The following TAFA4 variants were observed in gnomAD, a reference collection of about 807,000 sequenced individuals.
TAFA4 encodes TAFA chemokine like family member 4.
Under a neutral mutation model 21.1 loss-of-function variants are expected in TAFA4, and 20 were observed. The observed-to-expected ratio is 0.95, with a 90% CI of 0.67 to 1.38. The LOEUF (loss-of-function observed/expected upper bound fraction) is 1.38. Among genes scored for constraint, TAFA4 ranks in the 40% most tolerant of loss-of-function variants. The pLI, the probability that TAFA4 is intolerant of heterozygous loss-of-function variation, is 0.00. For synonymous variants in TAFA4, 71 were observed against 67.4 expected (o/e 1.05, Z -0.26); for missense variants, 211 against 180.9 (o/e 1.17, Z -0.95).
At chr3:68,750,901 G>A (rs949285785) in intron 4 of TAFA4, among the ~76,000 whole-genome samples, 3 of 151,996 alleles carry the variant, frequency 2.0e-5, no homozygotes, top group African/African-American at 4.8e-5. Context: ...CAGCCAATGG[G>A]GAAAGATGAA....
intron 4 of TAFA4, among the ~76,000 whole-genome samples, chr3:68,747,245 TTCTCTCTC>T (rs138372647): frequency 6.6e-6 from 1 of 151,086 alleles, no homozygotes; most frequent in Non-Finnish European, 1.5e-5. Flanking sequence ...CTTGTGAGTT[TTCTCTCTC>T]TCTCTCTCAA....
intron 4 of TAFA4, among the ~76,000 whole-genome samples, chr3:68,752,639 G>T (rs971439804): frequency 5.3e-5 from 8 of 152,102 alleles, no homozygotes; most frequent in African/African-American, 1.9e-4. Flanking sequence ...CTTCCCAACT[G>T]CCCTATAATA....
chr3:68,756,538 C>A (rs1183968440), intron 3 of TAFA4, among the ~76,000 whole-genome samples: 1 of 152,116 alleles, frequency 6.6e-6, no homozygotes, highest in African/African-American at 2.4e-5. Flanking sequence ...ACAGGCTTTC[C>A]AAACAATAAC....
chr3:68,756,208 C>G (rs989458078), intron 3 of TAFA4, among the ~76,000 whole-genome samples: 2 of 152,142 alleles, frequency 1.3e-5, no homozygotes, highest in Admixed American at 6.5e-5. Context: ...ACTAATACAC[C>G]AACTCTGGCT....
At chr3:68,748,599 C>T (rs1229676059) in intron 4 of TAFA4, among the ~76,000 whole-genome samples, 1 of 152,096 alleles carries the variant, frequency 6.6e-6, no homozygotes, top group East Asian at 1.9e-4. Flanking sequence ...AAAAAATTAG[C>T]CAGGCATGGT....
chr3:68,754,069 A>ACTCT (rs1366512423), intron 3 of TAFA4, among the ~76,000 whole-genome samples: 1 of 152,004 alleles, frequency 6.6e-6, no homozygotes, highest in Non-Finnish European at 1.5e-5. Context: ...TTTATCATTC[A>ACTCT]CTCTCTCATG....
intron 3 of TAFA4, among the ~76,000 whole-genome samples, chr3:68,831,786 T>G (rs142397464): frequency 0.02 from 3,053 of 152,322 alleles, 98 homozygotes; most frequent in African/African-American, 0.069. Flanking sequence ...TTTTCCAGCT[T>G]GGTTCCATTC....
chr3:68,757,809 C>A (rs12629295), intron 3 of TAFA4, among the ~76,000 whole-genome samples: 1 of 152,014 alleles, frequency 6.6e-6, no homozygotes, highest in African/African-American at 2.4e-5. Context: ...ACTAATAGCA[C>A]CTTACAATTA....
intron 1 of TAFA4, among the ~76,000 whole-genome samples, chr3:68,897,798 TCCC>T (rs2089807171): frequency 6.6e-6 from 1 of 152,116 alleles, no homozygotes; most frequent in Non-Finnish European, 1.5e-5. Context: ...CTTCATTGAC[TCCC>T]CTTTTCTTTA....
At chr3:68,848,957 G>T (rs938266930) in intron 3 of TAFA4, among the ~76,000 whole-genome samples, 2 of 151,744 alleles carry the variant, frequency 1.3e-5, no homozygotes, top group South Asian at 2.1e-4. Context: ...TGTACCTAGC[G>T]AGAAAAATAA....
intron 3 of TAFA4, among the ~76,000 whole-genome samples, chr3:68,758,262 G>A (rs1053348814): frequency 2.6e-5 from 4 of 152,174 alleles, no homozygotes; most frequent in Admixed American, 6.6e-5. Context: ...AGAAATTTGT[G>A]TATTGGTGAC....
chr3:68,846,285 C>G (rs929486827), intron 3 of TAFA4, among the ~76,000 whole-genome samples: 1 of 151,686 alleles, frequency 6.6e-6, no homozygotes, highest in Non-Finnish European at 1.5e-5. Context: ...CTCTGATATC[C>G]TTTCTTCTGC....
At chr3:68,883,956 C>CAGGG (rs1447368007) in intron 2 of TAFA4, among the ~76,000 whole-genome samples, 1 of 148,498 alleles carries the variant, frequency 6.7e-6, no homozygotes, top group Non-Finnish European at 1.5e-5. Flanking sequence ...GGCAGGCAGG[C>CAGGG]AGGCAGGGAG....
chr3:68,865,680 C>A (rs1319229376), intron 3 of TAFA4, among the ~76,000 whole-genome samples: 2 of 152,082 alleles, frequency 1.3e-5, no homozygotes, highest in Non-Finnish European at 2.9e-5. Context: ...TACACTCAGT[C>A]TGGAATGCAG....
chr3:68,739,098 C>G lies in TAFA4; in HGVS notation c.388G>C (p.Gly130Arg). The change falls in exon 5 of 6, where the codon GGC becomes CGC. Residue 130 changes from glycine (G) to arginine (R), a missense_variant. Transcript: ENST00000295569. The part of the protein sequence containing the change: ...PDYSGWSCSS[G>R]NKVKTTKVTR Reference sequence around the variant, plus strand: ...GCCTTCGTAGTTTTGACTTTATTGCCACTGCTACAGGACCAACCTGAGTAA... The same window carrying G: ...GCCTTCGTAGTTTTGACTTTATTGCGACTGCTACAGGACCAACCTGAGTAA... 1 of 1,613,730 alleles carries G rather than the reference C, an allele frequency of 6.2e-7. No homozygotes were observed.
At chr3:68,799,424 C>G (rs1316946355) in intron 3 of TAFA4, among the ~76,000 whole-genome samples, 2 of 152,046 alleles carry the variant, frequency 1.3e-5, no homozygotes, top group Non-Finnish European at 2.9e-5. Flanking sequence ...GAATCACCTC[C>G]CAAAGACCCC....
chr3:68,869,844 T>G (rs1010412436), intron 3 of TAFA4, among the ~76,000 whole-genome samples: 8 of 151,834 alleles, frequency 5.3e-5, no homozygotes, highest in Non-Finnish European at 1.0e-4. Context: ...ACATAACATT[T>G]GAAGTTCTAG....
intron 3 of TAFA4, among the ~76,000 whole-genome samples, chr3:68,761,487 A>G (rs1702754754): frequency 6.6e-6 from 1 of 152,178 alleles, no homozygotes; most frequent in Admixed American, 6.5e-5. Flanking sequence ...GAAAAGATAA[A>G]AGCCTTGCAA....
chr3:68,918,101 ACT>A (rs1484588051), intron 1 of TAFA4, among the ~76,000 whole-genome samples: 10 of 150,614 alleles, frequency 6.6e-5, no homozygotes, highest in African/African-American at 2.5e-4. Context: ...AACATTTGAG[ACT>A]TAAATAATGA....
Sources: allele counts gnomAD v4.1 joint callset (sites outside exome capture counted in the v4.1 genomes callset), GRCh38; gene constraint gnomAD v4.1.1; transcripts MANE v1.5; gene names NCBI Gene and HGNC (gene_info 2026-07-23, HGNC 2026-07-21).